The following AHRR variants were observed in gnomAD, a reference collection of about 807,000 sequenced individuals.
AHRR encodes the protein aryl hydrocarbon receptor repressor.
Under a neutral mutation model 44.0 loss-of-function variants are expected in AHRR, and 28 were observed. The observed-to-expected ratio is 0.64, with a 90% CI of 0.47 to 0.87. AHRR has a LOEUF of 0.87. AHRR is among the 40% of genes least tolerant of loss of function. AHRR has a pLI of 0.00. For missense variants in AHRR, 990 were observed against 953.9 expected (o/e 1.04, Z -0.50); for synonymous variants, 434 against 407.0 (o/e 1.07, Z -0.80).
chr5:375,503 C>T (rs1333915680), intron 3 of AHRR, among the ~76,000 whole-genome samples: 1 of 152,160 alleles, frequency 6.6e-6, no homozygotes, highest in Non-Finnish European at 1.5e-5. Flanking sequence ...CACGCCGGGA[C>T]CCCGGCACAG....
At chr5:424,444 G>A (rs2561660) in intron 7 of AHRR, among the ~76,000 whole-genome samples, 1 of 144,852 alleles carries the variant, frequency 6.9e-6, no homozygotes, top group Non-Finnish European at 1.5e-5. Flanking sequence ...GTATGGGGGT[G>A]TTAACCCATG....
chr5:371,508 C>T (rs966892033), intron 3 of AHRR, among the ~76,000 whole-genome samples: 1 of 152,198 alleles, frequency 6.6e-6, no homozygotes. Context: ...TCCTGCGTCC[C>T]ATTCCCTGGG....
intron 5 of AHRR, among the ~76,000 whole-genome samples, chr5:415,030 C>T (rs115313441): frequency 0.1 from 15,631 of 152,314 alleles, 1,087 homozygotes; most frequent in Non-Finnish European, 0.14. Context: ...CTCAGTGGCA[C>T]GGGGTGGGGC....
chr5:422,473 C>T (rs771554020), intron 5 of AHRR: 9 of 506,186 alleles, frequency 1.8e-5, no homozygotes, highest in African/African-American at 9.6e-5. Flanking sequence ...CTTAGCCTCC[C>T]GCTTGCCCCG....
Position 406,195 on chromosome 5 carries a change from C to T in AHRR, c.352-7149C>T, listed in dbSNP as rs1735249766. Among the ~76,000 whole-genome samples, 1 of 152,248 alleles carries T rather than the reference C, an allele frequency of 6.6e-6. No individual in the cohort carries two copies. Among genetic ancestry groups the T allele is most frequent in the Non-Finnish European group, 1.5e-5 (1 of 68,038 alleles). On this transcript the variant is annotated intron_variant, in intron 4 of 10. Coordinates refer to ENST00000684583, the MANE Select transcript of AHRR (RefSeq NM_001377236.1). This position sits in a 1 kb window ranked among gnomAD's most constrained non-coding sequence, Gnocchi z 4.7. ...CAGCTGGGCTTGGGCGAGGGGCCCA[C>T]GGTGTCGCTGGGGACTTCTGCTGCC...
intron 1 of AHRR, among the ~76,000 whole-genome samples, chr5:332,852 G>T (rs756107864): frequency 4.6e-5 from 7 of 150,904 alleles, no homozygotes; most frequent in Non-Finnish European, 1.0e-4. Flanking sequence ...ACCAATGTTG[G>T]ATGCATATGT....
rs957886642 is a variant in AHRR at position 419,749 on chromosome 5, C to T, written c.442-2980C>T. ...GGTTGGTATTTCTGTTTGTTGCCAA[C>T]CCCTGTTTACCGGAAGTGTCCCCAC... is the stretch of plus-strand genomic sequence containing the variant. On this transcript the variant is annotated intron_variant, in intron 5 of 10. Transcript: ENST00000684583. This position sits in a 1 kb window ranked among gnomAD's most constrained non-coding sequence, Gnocchi z 4.4. Among the ~76,000 whole-genome samples the T allele has an allele frequency of 6.6e-6, 1 of 152,158 alleles. No homozygotes were observed. Among genetic ancestry groups the T allele is most frequent in the Non-Finnish European group, 1.5e-5 (1 of 68,024 alleles).
chr5:410,471 C>T (rs2867222), intron 4 of AHRR, among the ~76,000 whole-genome samples: 56 of 152,300 alleles, frequency 3.7e-4, no homozygotes, highest in African/African-American at 1.2e-3. Context: ...CTTGGCCTCC[C>T]AAAGTGCTGG....
chr5:380,975 G>A (rs1436130501), intron 4 of AHRR, among the ~76,000 whole-genome samples: 1 of 152,248 alleles, frequency 6.6e-6, no homozygotes. Flanking sequence ...AGGCCTGAGA[G>A]CCCCCAGGAG....
intron 4 of AHRR, among the ~76,000 whole-genome samples, chr5:399,128 G>A (rs1734901304): frequency 6.6e-6 from 1 of 152,228 alleles, no homozygotes; most frequent in African/African-American, 2.4e-5. Context: ...GGGCTCTCCT[G>A]GGTGTGGAGC....
At chr5:418,091 G>A (rs1239922885) in intron 5 of AHRR, among the ~76,000 whole-genome samples, 4 of 152,222 alleles carry the variant, frequency 2.6e-5, no homozygotes, top group Non-Finnish European at 4.4e-5. Context: ...GCAGATGTGT[G>A]CAAGCTTTTG....
intron 4 of AHRR, among the ~76,000 whole-genome samples, chr5:409,120 G>A (rs1735378520): frequency 2.0e-5 from 3 of 152,082 alleles, no homozygotes; most frequent in African/African-American, 7.2e-5. Context: ...TTTATTTAAC[G>A]TAGTGTTTTT....
intron 1 of AHRR, among the ~76,000 whole-genome samples, chr5:332,850 T>G (rs2126332991): frequency 6.6e-6 from 1 of 152,288 alleles, no homozygotes; most frequent in East Asian, 1.9e-4. Context: ...GCACCAATGT[T>G]GGATGCATAT....
intron 7 of AHRR, among the ~76,000 whole-genome samples, chr5:426,861 GTGGA>G (rs1181513253): frequency 5.4e-4 from 63 of 115,638 alleles, no homozygotes; most frequent in South Asian, 3.4e-3. Flanking sequence ...GGATGGATGG[GTGGA>G]TGGATGGATG....
chr5:367,758 AC>A (rs1743412949), intron 3 of AHRR: 1 of 681,498 alleles, frequency 1.5e-6, no homozygotes, highest in Non-Finnish European at 2.7e-6. Context: ...CTAGTGCTTA[AC>A]TCGTGTGTTG....
chr5:401,693 T>G (rs1040438716), intron 4 of AHRR, among the ~76,000 whole-genome samples: 1 of 152,222 alleles, frequency 6.6e-6, no homozygotes, highest in Non-Finnish European at 1.5e-5. Flanking sequence ...CAGAGTGTGA[T>G]TTAACCCTCG....
chr5:373,004 C>G (rs567822072), intron 3 of AHRR, among the ~76,000 whole-genome samples: 1 of 152,236 alleles, frequency 6.6e-6, no homozygotes, highest in Non-Finnish European at 1.5e-5. Context: ...CAGGGTCGCC[C>G]GAGGCCTTGG....
chr5:361,451 T>C (rs1364593551), intron 3 of AHRR, among the ~76,000 whole-genome samples: 1 of 152,186 alleles, frequency 6.6e-6, no homozygotes, highest in African/African-American at 2.4e-5. Context: ...GTTTCATCTT[T>C]CCAGAAAGGG....
intron 1 of AHRR, among the ~76,000 whole-genome samples, chr5:333,052 G>A (rs919318907): frequency 3.5e-5 from 5 of 144,590 alleles, no homozygotes; most frequent in Non-Finnish European, 6.0e-5. Flanking sequence ...CCCACCCCCC[G>A]CCTTTACTTT....
Sources: gnomAD v4.1 joint callset for allele counts (sites outside exome capture counted in the v4.1 genomes callset) on GRCh38, gnomAD v4.1.1 for gene constraint, Gnocchi (gnomAD v3.1) non-coding constraint, MANE v1.5 for transcripts, NCBI Gene and HGNC (gene_info 2026-07-23, HGNC 2026-07-21) for gene names.